CDH4: variants seen among roughly 807,000 people sequenced by gnomAD.
CDH4 encodes cadherin 4.
A neutral mutation model predicts 86.0 loss-of-function variants in CDH4; 33 were observed. That is an observed-to-expected ratio of 0.38 (90% CI 0.29 to 0.51). The LOEUF is 0.51. CDH4 is among the 20% of genes least tolerant of loss of function. CDH4 has a pLI of 0.86. For synonymous variants in CDH4, 555 were observed against 549.4 expected (o/e 1.01, Z -0.14); for missense variants, 1,114 against 1,307.4 (o/e 0.85, Z 2.28).
At chr20:61,333,054 G>A (rs1333425883) in intron 2 of CDH4, among the ~76,000 whole-genome samples, 3 of 152,238 alleles carry the variant, frequency 2.0e-5, no homozygotes. Flanking sequence ...TGTAAAGGGT[G>A]GCGCTTTTTG....
intron 4 of CDH4, among the ~76,000 whole-genome samples, chr20:61,783,867 GC>G: frequency 3.0e-5 from 1 of 33,464 alleles, no homozygotes; most frequent in Non-Finnish European, 5.8e-5. Context: ...GATGTCCTGT[GC>G]CCCCAAGAGA....
chr20:61,851,264 A>G (rs1321847516), intron 5 of CDH4, among the ~76,000 whole-genome samples: 1 of 152,188 alleles, frequency 6.6e-6, no homozygotes, highest in Non-Finnish European at 1.5e-5. Context: ...TACAGCACAG[A>G]TTGCCTCTTT....
intron 6 of CDH4, among the ~76,000 whole-genome samples, chr20:61,862,880 G>A (rs1268646823): frequency 1.3e-5 from 2 of 152,144 alleles, no homozygotes; most frequent in African/African-American, 4.8e-5. Flanking sequence ...AAGTCAAAGA[G>A]ACCTTCATCT....
chr20:61,595,048 G>A (rs139098603), intron 2 of CDH4, among the ~76,000 whole-genome samples: 216 of 152,330 alleles, frequency 1.4e-3, no homozygotes, highest in African/African-American at 4.9e-3. Context: ...GCTGTCATTA[G>A]CTCGTGTTGC....
At chr20:61,295,956 G>A (rs1251211685) in intron 2 of CDH4, among the ~76,000 whole-genome samples, 3 of 152,212 alleles carry the variant, frequency 2.0e-5, no homozygotes, top group Admixed American at 2.0e-4. Flanking sequence ...GGGTATCGCG[G>A]AGGCCGTGGG....
rs1233534274 is a variant in CDH4 at position 61,582,640 on chromosome 20, C to G, written c.170-160923C>G. Among the ~76,000 whole-genome samples, 1 of 152,172 alleles carries G rather than the reference C, an allele frequency of 6.6e-6. No homozygotes were observed. The highest frequency in any genetic ancestry group is 1.5e-5 in the Non-Finnish European group (1 of 68,032). ...CCCTGCAGGGCCTGGTGCGGTGGAGCCCAGGCAGTGCTCCCTGCACCTGTC... is the reference window on the plus strand; with the variant it reads ...CCCTGCAGGGCCTGGTGCGGTGGAGGCCAGGCAGTGCTCCCTGCACCTGTC... On this transcript the variant is annotated intron_variant, in intron 2 of 15. Coordinates refer to ENST00000614565, the MANE Select transcript of CDH4 (RefSeq NM_001794.5). The surrounding 1 kb of genome is among the most constrained non-coding windows in gnomAD (Gnocchi z 4.2).
At chr20:61,685,537 C>T (rs528928533) in intron 2 of CDH4, among the ~76,000 whole-genome samples, 3 of 152,408 alleles carry the variant, frequency 2.0e-5, no homozygotes, top group Middle Eastern at 3.4e-3. Context: ...AAGGCCGCTC[C>T]TCGGCCCCAC....
At chr20:61,692,115 A>ATGTGTGTGTC (rs60560327) in intron 2 of CDH4, among the ~76,000 whole-genome samples, 1 of 149,282 alleles carries the variant, frequency 6.7e-6, no homozygotes, top group Non-Finnish European at 1.5e-5. Context: ...GTGTGTATGC[A>ATGTGTGTGTC]TGTGTGTGTC....
At chr20:61,723,324 C>G (rs2088064116) in intron 2 of CDH4, among the ~76,000 whole-genome samples, 1 of 152,204 alleles carries the variant, frequency 6.6e-6, no homozygotes, top group Non-Finnish European at 1.5e-5. Context: ...CGTCCTGGCT[C>G]CTCAGCACCG....
chr20:61,459,641 G>A (rs1212570822), intron 2 of CDH4, among the ~76,000 whole-genome samples: 1 of 151,038 alleles, frequency 6.6e-6, no homozygotes, highest in Non-Finnish European at 1.5e-5. Flanking sequence ...CCATAGATGC[G>A]GGCTGACAAG....
chr20:61,753,786 C>T lies in CDH4; in HGVS notation c.396+9997C>T, dbSNP rs138718538. On this transcript the variant is annotated intron_variant, in intron 3 of 15. Coordinates refer to ENST00000614565, the MANE Select transcript of CDH4 (RefSeq NM_001794.5). ...AACTCGGCCGAGCAATGTCCCACGGCCAGGCGGGTCCAGGCGCTGACCTGT... is the reference window on the plus strand; with the variant it reads ...AACTCGGCCGAGCAATGTCCCACGGTCAGGCGGGTCCAGGCGCTGACCTGT... Among the ~76,000 whole-genome samples, 126 of 152,328 alleles carry T rather than the reference C, an allele frequency of 8.3e-4. No homozygotes were observed. The East Asian group carries it at 0.023, about 28-fold the overall frequency.
At chr20:61,373,996 G>T (rs1600912327) in intron 2 of CDH4, among the ~76,000 whole-genome samples, 1 of 152,292 alleles carries the variant, frequency 6.6e-6, no homozygotes, top group Admixed American at 6.5e-5. Context: ...GTGGGGTGTG[G>T]CTGGCAGTGC....
intron 2 of CDH4, among the ~76,000 whole-genome samples, chr20:61,421,305 G>A (rs1299819023): frequency 2.0e-5 from 3 of 152,180 alleles, no homozygotes; most frequent in Non-Finnish European, 4.4e-5. Flanking sequence ...GCACTGAGGG[G>A]TCTTTATTCC....
intron 4 of CDH4, among the ~76,000 whole-genome samples, chr20:61,798,911 G>A (rs1475505476): frequency 2.6e-5 from 4 of 152,176 alleles, no homozygotes; most frequent in East Asian, 1.9e-4. Context: ...AGTCCCCACC[G>A]ACCCGATGAC....
rs6061837 is a variant in CDH4 at position 61,810,718 on chromosome 20, G to C, written c.577-33950G>C. ...AATCAGTACTCTGCCGCTAGATGAC[G>C]TGTAGCCGCATTCAGGGTCTGGCTG... is the stretch of plus-strand genomic sequence containing the variant. On this transcript the variant is annotated intron_variant, in intron 4 of 15. Transcript: ENST00000614565. The surrounding 1 kb of genome is among the most constrained non-coding windows in gnomAD (Gnocchi z 4.3). Among the ~76,000 whole-genome samples, 1 of 152,190 alleles carries C rather than the reference G, an allele frequency of 6.6e-6. No individual in the cohort carries two copies. The highest frequency in any genetic ancestry group is 1.5e-5 in the Non-Finnish European group (1 of 68,046).
At chr20:61,667,648 A>G (rs1005202984) in intron 2 of CDH4, among the ~76,000 whole-genome samples, 3 of 151,446 alleles carry the variant, frequency 2.0e-5, no homozygotes, top group Non-Finnish European at 2.9e-5. Flanking sequence ...TGTGTGTGGC[A>G]CACACACACA....
chr20:61,920,227 G>GTGATTGCATGGAAGCATGGTGTCACA (rs2054960097), intron 9 of CDH4, among the ~76,000 whole-genome samples: 1 of 149,676 alleles, frequency 6.7e-6, no homozygotes, highest in Non-Finnish European at 1.5e-5. Context: ...ATGGTGTCAC[G>GTGATTGCATGGAAGCATGGTGTCACA]GTGATTGCAT....
chr20:61,889,647 T>C (rs1338120709), intron 7 of CDH4, among the ~76,000 whole-genome samples: 2 of 142,118 alleles, frequency 1.4e-5, no homozygotes, highest in African/African-American at 2.6e-5. Flanking sequence ...AGGTGGATGA[T>C]GGATGGGTGG....
chr20:61,285,077 T>G (rs190496960), intron 2 of CDH4, among the ~76,000 whole-genome samples: 44 of 147,408 alleles, frequency 3.0e-4, no homozygotes, highest in East Asian at 9.8e-4. Context: ...TTCCTGTTTT[T>G]TTTTTTTGTT....
Sources: allele counts gnomAD v4.1 joint callset (sites outside exome capture counted in the v4.1 genomes callset), GRCh38; gene constraint gnomAD v4.1.1; non-coding constraint Gnocchi (gnomAD v3.1); transcripts MANE v1.5; gene names NCBI Gene and HGNC (gene_info 2026-07-23, HGNC 2026-07-21).